The following NAV3 variants were observed in gnomAD, a reference collection of about 807,000 sequenced individuals.
The protein encoded by NAV3 is pore membrane and/or filament interacting like protein 1.
In NAV3, 87 loss-of-function variants were observed where a neutral mutation model predicts 244.7. That is an observed-to-expected ratio of 0.36 (90% confidence interval 0.30 to 0.42). The LOEUF (loss-of-function observed/expected upper bound fraction) is 0.42. NAV3 is among the 20% of genes least tolerant of loss of function. NAV3 has a pLI of 1.00. For synonymous variants in NAV3, 1,126 were observed against 1,042.2 expected (o/e 1.08, Z -1.55); for missense variants, 2,663 against 2,893.3 (o/e 0.92, Z 1.83).
chr12:78,024,770 G>A (rs1235357597), intron 9 of NAV3, among the ~76,000 whole-genome samples: 1 of 152,084 alleles, frequency 6.6e-6, no homozygotes, highest in African/African-American at 2.4e-5. Context: ...GAGGTCAGGA[G>A]ATCGAGACCA....
At chr12:77,845,491 C>T (rs1467158600) in intron 1 of NAV3, among the ~76,000 whole-genome samples, 3 of 151,652 alleles carry the variant, frequency 2.0e-5, no homozygotes, top group African/African-American at 4.8e-5. Flanking sequence ...CGCTTTACTT[C>T]ACCATTGTTG....
intron 38 of NAV3, among the ~76,000 whole-genome samples, chr12:78,201,241 A>G (rs1423481663): frequency 6.6e-6 from 1 of 151,108 alleles, no homozygotes; most frequent in African/African-American, 2.4e-5. Flanking sequence ...TTGTATTGTT[A>G]TTATTATTAT....
intron 2 of NAV3, among the ~76,000 whole-genome samples, chr12:77,661,626 C>A (rs77169250): frequency 6.6e-6 from 1 of 151,956 alleles, no homozygotes; most frequent in Admixed American, 6.6e-5. Flanking sequence ...TTGCTTAATG[C>A]CAGGCCCCCC....
At chr12:77,855,657 A>C (rs1878288691) in intron 1 of NAV3, among the ~76,000 whole-genome samples, 1 of 152,202 alleles carries the variant, frequency 6.6e-6, no homozygotes, top group Admixed American at 6.5e-5. Context: ...GCCCAGACTA[A>C]AGAGGCCCAG....
At chr12:77,738,446 T>C (rs1311905886) in intron 2 of NAV3, among the ~76,000 whole-genome samples, 1 of 152,222 alleles carries the variant, frequency 6.6e-6, no homozygotes, top group East Asian at 1.9e-4. Context: ...ATATTTGTTA[T>C]TATCATGACT....
In NAV3 at chr12:78,117,055, T is replaced by C. The variant is rs73354839; in HGVS notation, c.2769+151T>C. The stretch of plus-strand genomic sequence containing the variant: ...AGATAATAAGGACTCCCTTTGCCAC[T>C]CCTGAACCCTGAAGCATCTTTCATC... On this transcript the variant is annotated intron_variant, in intron 13 of 39. Transcript: ENST00000397909. 3,705 of 830,232 alleles carry C rather than the reference T, an allele frequency of 4.5e-3. 41 individuals carry two copies. Among genetic ancestry groups the C allele is most frequent in the African/African-American group, 0.026 (1,494 of 57,568 alleles). 51.4% of individuals were successfully genotyped at this position (830,232 alleles called of 1,614,324 possible).
chr12:77,810,821 G>A (rs1334292327), intron 2 of NAV3, among the ~76,000 whole-genome samples: 1 of 152,006 alleles, frequency 6.6e-6, no homozygotes. Context: ...TACAAATTAA[G>A]TTGGTTTCTT....
chr12:78,035,561 C>T (rs1239076845), intron 9 of NAV3, among the ~76,000 whole-genome samples: 1 of 151,980 alleles, frequency 6.6e-6, no homozygotes, highest in East Asian at 1.9e-4. Context: ...CTGTGATAGG[C>T]TTATGAAATA....
intron 24 of NAV3, among the ~76,000 whole-genome samples, chr12:78,170,311 C>T (rs1334009143): frequency 6.6e-6 from 1 of 151,696 alleles, no homozygotes; most frequent in East Asian, 1.9e-4. Context: ...TTCATAACTC[C>T]TCCTCTCCTC....
intron 2 of NAV3, among the ~76,000 whole-genome samples, chr12:77,791,122 A>G (rs1190879576): frequency 1.3e-5 from 2 of 152,058 alleles, no homozygotes; most frequent in Non-Finnish European, 2.9e-5. Context: ...TTGGGAGGCC[A>G]AGGTGGGTGG....
chr12:77,739,165 C>T (rs962452020), intron 2 of NAV3, among the ~76,000 whole-genome samples: 1 of 151,790 alleles, frequency 6.6e-6, no homozygotes, highest in African/African-American at 2.4e-5. Context: ...TGGATAAAAG[C>T]ATGTATCTCA....
intron 2 of NAV3, among the ~76,000 whole-genome samples, chr12:77,639,936 G>C (rs568426772): frequency 6.6e-6 from 1 of 152,168 alleles, no homozygotes; most frequent in East Asian, 1.9e-4. Flanking sequence ...CTGTCAAAAG[G>C]GGGGCACTAG....
chr12:77,987,910 G>T (rs575115817), intron 5 of NAV3, among the ~76,000 whole-genome samples: 9 of 151,984 alleles, frequency 5.9e-5, no homozygotes, highest in Non-Finnish European at 1.2e-4. Flanking sequence ...GTAAAATTTT[G>T]TGGGTGGTGA....
At chr12:78,123,891 C>T (rs1177888822) in intron 16 of NAV3, among the ~76,000 whole-genome samples, 1 of 152,116 alleles carries the variant, frequency 6.6e-6, no homozygotes, top group Non-Finnish European at 1.5e-5. Flanking sequence ...CTAGTTTCAG[C>T]ACTTCTAAGG....
intron 12 of NAV3, among the ~76,000 whole-genome samples, chr12:78,104,573 T>G (rs570854197): frequency 7.1e-4 from 108 of 152,254 alleles, no homozygotes; most frequent in African/African-American, 2.4e-3. Flanking sequence ...ATCTAAAAAC[T>G]AAAAGGCATG....
At chr12:78,074,456 C>T (rs545502060) in intron 12 of NAV3, among the ~76,000 whole-genome samples, 1 of 152,250 alleles carries the variant, frequency 6.6e-6, no homozygotes, top group Admixed American at 6.5e-5. Context: ...AATCCCAGCA[C>T]TTTGGGAGGC....
intron 15 of NAV3, among the ~76,000 whole-genome samples, chr12:78,120,512 G>T (rs1051350175): frequency 6.6e-6 from 1 of 152,134 alleles, no homozygotes; most frequent in Admixed American, 6.5e-5. Flanking sequence ...TCCAGTGTTT[G>T]GTACAGTATC....
intron 3 of NAV3, among the ~76,000 whole-genome samples, chr12:77,956,345 G>A (rs530437041): frequency 2.3e-4 from 35 of 152,068 alleles, no homozygotes; most frequent in South Asian, 1.2e-3. Flanking sequence ...CTACCTTCCC[G>A]AAATATCCAA....
At chr12:78,093,078 G>A (rs1412272513) in intron 12 of NAV3, among the ~76,000 whole-genome samples, 1 of 152,086 alleles carries the variant, frequency 6.6e-6, no homozygotes, top group East Asian at 1.9e-4. Context: ...AGACCTGTAT[G>A]CACCTAGCAA....
Sources: gnomAD v4.1 joint callset for allele counts (sites outside exome capture counted in the v4.1 genomes callset) on GRCh38, gnomAD v4.1.1 for gene constraint, MANE v1.5 for transcripts, NCBI Gene and HGNC (gene_info 2026-07-23, HGNC 2026-07-21) for gene names.